FAM221B: variants seen among roughly 807,000 people sequenced by gnomAD.
FAM221B encodes family with sequence similarity 221 member B, also known as protein FAM221B.
Under a neutral mutation model 39.8 loss-of-function variants are expected in FAM221B, and 35 were observed. That is an observed-to-expected ratio of 0.88 (90% confidence interval 0.67 to 1.17). FAM221B has a LOEUF of 1.17. Ranked by LOEUF, FAM221B falls within the 50% of genes most tolerant of loss-of-function variation. The pLI, the probability that FAM221B is intolerant of heterozygous loss-of-function variation, is 0.00. For synonymous variants in FAM221B, 158 were observed against 178.1 expected (o/e 0.89, Z 0.90); for missense variants, 479 against 503.1 (o/e 0.95, Z 0.46).
chr9:35,819,189 G>A lies in FAM221B; in HGVS notation c.1051+8C>T. ...TGCTCCCAATACACCTCTTGCCCTAGAAGTTACCATGATGCCTGCAGGGAT... is the reference window on the plus strand; with the variant it reads ...TGCTCCCAATACACCTCTTGCCCTAAAAGTTACCATGATGCCTGCAGGGAT... On this transcript the variant is annotated splice_region_variant and intron_variant, in intron 5 of 6. Coordinates refer to ENST00000423537, the MANE Select transcript of FAM221B (RefSeq NM_001012446.4). 1 of 1,550,450 alleles carries A rather than the reference G, an allele frequency of 6.4e-7. No homozygotes were observed. Among genetic ancestry groups the A allele is most frequent in the African/African-American group, 1.4e-5 (1 of 73,146 alleles).
Position 35,819,894 on chromosome 9 carries a change from G to C in FAM221B, c.849C>G (p.Ile283Met). 1 of 1,611,004 alleles carries C rather than the reference G, an allele frequency of 6.2e-7. No homozygotes were observed. The highest frequency in any genetic ancestry group is 1.7e-5 in the Admixed American group (1 of 60,012). Residue 283 changes from isoleucine to methionine, a missense_variant, in exon 4 of 7, where the codon ATC becomes ATG. Coordinates refer to ENST00000423537, the MANE Select transcript of FAM221B (RefSeq NM_001012446.4). ...GGCTGGTCAGTTCTCCCCTACCTGA[G>C]ATGATCCGGTGCTCTCTCAACAAGT... is the stretch of plus-strand genomic sequence containing the variant. ...CGHLLREHRI[I>M]SDISVPCKVS...
chr9:35,820,134 C>T lies in FAM221B; in HGVS notation c.743-134G>A, dbSNP rs80239029. 7.1e-3 allele frequency: 4,333 copies of T among 607,754 alleles called. 130 individuals carry two copies. The African/African-American group carries it at 0.073, about 10-fold the overall frequency. The allele number at this position is 607,754 out of a possible 1,614,324, so 37.6% of individuals were successfully genotyped here. A position where few individuals can be genotyped will look rare whatever the true frequency, so the allele number is the denominator to read the frequency against. On this transcript the variant is annotated intron_variant, in intron 3 of 6. Coordinates refer to ENST00000423537, the MANE Select transcript of FAM221B (RefSeq NM_001012446.4). ...CCACCCCCAGGTATCTTTATCTCCA[C>T]CTGGAAGTCCTCACCTCTACCCCTT...
In FAM221B at chr9:35,821,490, T is replaced by G. The variant is rs751416910; in HGVS notation, c.743-1490A>C. Reference sequence around the variant, plus strand: ...TCTAGATGTGGCTTTTGGCTTTGCTTCTTCTGTCTTGATGCTGATTGCCTG... The same window carrying G: ...TCTAGATGTGGCTTTTGGCTTTGCTGCTTCTGTCTTGATGCTGATTGCCTG... On this transcript the variant is annotated intron_variant, in intron 3 of 6. Transcript: ENST00000423537. The G allele has an allele frequency of 2.8e-5, 38 of 1,367,832 alleles. 1 individual carries two copies. In the Middle Eastern group the frequency reaches 6.3e-4, roughly 23 times the overall value. 84.7% of individuals were successfully genotyped at this position (1,367,832 alleles called of 1,614,324 possible).
In FAM221B at chr9:35,825,461, C is replaced by T; in HGVS notation, c.599-88G>A. On this transcript the variant is annotated intron_variant, in intron 2 of 6. Transcript: ENST00000423537. The surrounding 1 kb of genome is among the most constrained non-coding windows in gnomAD (Gnocchi z 4.2). ...GCCATGTCCAAGAGTAACCCAGTCT[C>T]CTCCTCCTGGGGCAAGTCAAGGACA... 1 of 1,591,380 alleles carries T rather than the reference C, an allele frequency of 6.3e-7. No homozygotes were observed. Among genetic ancestry groups the T allele is most frequent in the Non-Finnish European group, 8.6e-7 (1 of 1,165,186 alleles).
rs1032361204 is a variant in FAM221B, at chr9:35,819,317, C to T, written c.931G>A (p.Gly311Ser). ...GCCCGTCTCTTGAGCCAGAACTCAC[C>T]CACCTCCTCTGGGCGTGATGGGATA... Reference protein sequence around the residue: ...CFIPSRPEEVGEFWLKRRATF... With the variant: ...CFIPSRPEEVSEFWLKRRATF... The change falls in exon 5 of 7, where the codon GGT becomes AGT. Residue 311 changes from glycine to serine, a missense_variant. Physicochemically the swap from Gly to Ser is moderately conservative, Grantham distance 56. Transcript: ENST00000423537. 1.3e-6 allele frequency: 2 copies of T among 1,551,628 alleles called. No homozygotes were observed. Among genetic ancestry groups the T allele is most frequent in the Non-Finnish European group, 1.7e-6 (2 of 1,147,012 alleles).
At chr9:35,827,782 C>T (rs919404197) in intron 1 of FAM221B, among the ~76,000 whole-genome samples, 5 of 152,120 alleles carry the variant, frequency 3.3e-5, no homozygotes, top group East Asian at 1.9e-4. Flanking sequence ...GTTCCAGAGA[C>T]GCTAGATATA....
chr9:35,818,366 C>T lies in FAM221B; in HGVS notation c.*103G>A. On this transcript the variant is annotated 3_prime_UTR_variant, in exon 7 of 7. Coordinates refer to ENST00000423537, the MANE Select transcript of FAM221B (RefSeq NM_001012446.4). ...CTCCTGTGTCTAATAGGTGTCAACTCTAAGTTATTAGGCAGTCTCTCCCTG... is the reference window on the plus strand; with the variant it reads ...CTCCTGTGTCTAATAGGTGTCAACTTTAAGTTATTAGGCAGTCTCTCCCTG... The T allele has an allele frequency of 1.8e-6, 2 of 1,112,812 alleles. No individual in the cohort carries two copies. The highest frequency in any genetic ancestry group is 2.6e-5 in the East Asian group (1 of 38,862). 68.9% of individuals were successfully genotyped at this position (1,112,812 alleles called of 1,614,324 possible). A position where few individuals can be genotyped will look rare whatever the true frequency, so the allele number is the denominator to read the frequency against.
rs903096494 is a variant in FAM221B, at chr9:35,819,969, G to T, written c.774C>A (p.Tyr258Ter). Residue 258 changes from tyrosine (Y) to a stop codon, truncating the protein, a stop_gained, in exon 4 of 7, where the codon TAC becomes TAA. Transcript: ENST00000423537. LOFTEE classifies it high-confidence loss of function. ...CCCCAATCCGGAAACAGTCCCATAG[G>T]TAATGGGGGCAGCGCCAGCCAATGT... ...GLYIGWRCPH[Y>*]LWDCFRIGDE... is the part of the protein sequence containing the mutation. The T allele has an allele frequency of 6.2e-7, 1 of 1,613,982 alleles. No homozygotes were observed. The highest frequency in any genetic ancestry group is 1.7e-5 in the Admixed American group (1 of 60,014).
At position 35,816,828 on chromosome 9, in the gene FAM221B, C is replaced by G. The variant is rs1829033412; in HGVS notation, c.*1641G>C. ...CTAGCAGTCCAGATTGCATTCCTTC[C>G]CTTGGAGGAACAGATGGCCCCCCTA... On this transcript the variant is annotated 3_prime_UTR_variant, in exon 7 of 7. Transcript: ENST00000423537. 6.6e-6 allele frequency: 1 copy of G among 152,152 alleles called. No homozygotes were observed. Among genetic ancestry groups the G allele is most frequent in the African/African-American group, 2.4e-5 (1 of 41,422 alleles). The allele number at this position is 152,152 out of a possible 1,614,324, so 9.4% of individuals were successfully genotyped here.
In FAM221B at chr9:35,819,186, C is replaced by T; in HGVS notation, c.1051+11G>A. The T allele has an allele frequency of 6.5e-7, 1 of 1,550,182 alleles. No homozygotes were observed. On this transcript the variant is annotated intron_variant, in intron 5 of 6. Coordinates refer to ENST00000423537, the MANE Select transcript of FAM221B (RefSeq NM_001012446.4). ...CCCTGCTCCCAATACACCTCTTGCC[C>T]TAGAAGTTACCATGATGCCTGCAGG...
Position 35,826,086 on chromosome 9 carries a change from A to C in FAM221B, c.76T>G (p.Ser26Ala), listed in dbSNP as rs1829345223. 2 of 1,613,424 alleles carry C rather than the reference A, an allele frequency of 1.2e-6. No individual in the cohort carries two copies. The highest frequency in any genetic ancestry group is 8.5e-7 in the Non-Finnish European group (1 of 1,179,788). ...AEKHPPSKDP[S>A]AEDLQENHIS... Reference sequence around the variant, plus strand: ...TGGTTCTCCTGTAAGTCCTCAGCAGAGGGGTCCTTTGAAGGGGGGTGCTTC... The same window carrying C: ...TGGTTCTCCTGTAAGTCCTCAGCAGCGGGGTCCTTTGAAGGGGGGTGCTTC... Residue 26 changes from serine (S) to alanine (A), a missense_variant, in exon 2 of 7, where the codon TCT (serine) becomes GCT (alanine). Physicochemically the swap from Ser to Ala is moderately conservative, Grantham distance 99. Transcript: ENST00000423537.
chr9:35,827,068 A>G (rs932101744), intron 1 of FAM221B: 1 of 152,106 alleles, frequency 6.6e-6, no homozygotes, highest in Non-Finnish European at 1.5e-5. Flanking sequence ...TGGCCTCCCA[A>G]AGTGCTGAGA....
chr9:35,827,105 C>A (rs1158674697), intron 1 of FAM221B: 1 of 152,276 alleles, frequency 6.6e-6, no homozygotes, highest in African/African-American at 2.4e-5. Context: ...CCGTGCTTGG[C>A]CCCTGCTGGT....
intron 3 of FAM221B, among the ~76,000 whole-genome samples, 192 bp from the exon 4 acceptor site, chr9:35,820,192 C>T (rs1433677392): frequency 6.6e-6 from 1 of 152,166 alleles, no homozygotes; most frequent in African/African-American, 2.4e-5. Context: ...TTTCTCATTA[C>T]CCCAGAAGTG....
In FAM221B at chr9:35,826,179, T is replaced by G; in HGVS notation, c.1-18A>C. 55 of 1,540,798 alleles carry G rather than the reference T, an allele frequency of 3.6e-5. No homozygotes were observed. The highest frequency in any genetic ancestry group is 4.5e-5 in the Non-Finnish European group (52 of 1,146,876). ...GCTTCCATCTAGTGGTAGAACAGGGTACAGGCTTCATTAGGTTGGAAATAG... is the reference window on the plus strand; with the variant it reads ...GCTTCCATCTAGTGGTAGAACAGGGGACAGGCTTCATTAGGTTGGAAATAG... On this transcript the variant is annotated intron_variant, in intron 1 of 6. Transcript: ENST00000423537.
intron 3 of FAM221B, among the ~76,000 whole-genome samples, chr9:35,822,083 C>T (rs1036673918): frequency 2.6e-5 from 4 of 152,144 alleles, no homozygotes; most frequent in Non-Finnish European, 5.9e-5. Context: ...CCAGCCTAGC[C>T]CTCTCTCCTG....
At chr9:35,826,814 C>G (rs1163953589) in intron 1 of FAM221B, 1 of 152,400 alleles carries the variant, frequency 6.6e-6, no homozygotes, top group East Asian at 1.9e-4. Flanking sequence ...CTTCTCTTCT[C>G]TTCTCTTTTT....
intron 1 of FAM221B, among the ~76,000 whole-genome samples, chr9:35,827,848 G>A (rs894110297): frequency 2.0e-5 from 3 of 152,186 alleles, no homozygotes; most frequent in African/African-American, 7.2e-5. Flanking sequence ...AAGGGAATTA[G>A]GGGCAGAGGT....
chr9:35,826,019 G>T lies in FAM221B; in HGVS notation c.143C>A (p.Pro48Gln), dbSNP rs199751011. 1.9e-6 allele frequency: 3 copies of T among 1,614,124 alleles called. No homozygotes were observed. The highest frequency in any genetic ancestry group is 2.5e-6 in the Non-Finnish European group (3 of 1,180,012). Residue 48 changes from proline to glutamine, a missense_variant, in exon 2 of 7, where the codon CCG becomes CAG. By Grantham distance (76) the Pro-to-Gln change is moderately conservative. Transcript: ENST00000423537. The stretch of plus-strand genomic sequence containing the variant: ...GGATTCAGAGGTATGGGGCTCTAAC[G>T]GGGTCTCAGAGGTGGAAGGCTTCAA... ...SFLKPSTSET[P>Q]LEPHTSESPL...
Sources: gnomAD v4.1 joint callset for allele counts (sites outside exome capture counted in the v4.1 genomes callset) on GRCh38, gnomAD v4.1.1 for gene constraint, Gnocchi (gnomAD v3.1) non-coding constraint, MANE v1.5 for transcripts, NCBI Gene and HGNC (gene_info 2026-07-23, HGNC 2026-07-21) for gene names.